BSND: variants seen among roughly 807,000 people sequenced by gnomAD.
The protein encoded by BSND is barttin.
Under a neutral mutation model 18.8 loss-of-function variants are expected in BSND, and 13 were observed. The observed-to-expected ratio is 0.69, with a 90% CI of 0.45 to 1.10. The LOEUF (loss-of-function observed/expected upper bound fraction) is 1.10. BSND is among the 50% of genes least tolerant of loss of function. BSND has a pLI of 0.00. For synonymous variants in BSND, 170 were observed against 161.8 expected, an observed-to-expected ratio of 1.05 and a Z score of -0.39; for missense variants, 379 against 416.7, an observed-to-expected ratio of 0.91 and a Z score of 0.79.
At position 55,008,393 on chromosome 1, in the gene BSND, T is replaced by C. The variant is rs1368447576; in HGVS notation, c.728T>C (p.Leu243Pro). 1.2e-6 allele frequency: 2 copies of C among 1,614,224 alleles called. No homozygotes were observed. Among genetic ancestry groups the C allele is most frequent in the East Asian group, 2.2e-5 (1 of 44,882 alleles). ...CPLDRFQDFA[L>P]IDAPTLEDEP... The stretch of plus-strand genomic sequence containing the variant: ...CTGGACCGCTTCCAAGACTTTGCCC[T>C]GATTGATGCCCCAACGTTGGAGGAT... Residue 243 changes from leucine (L) to proline (P), a missense_variant, in exon 4 of 4, where the codon CTG becomes CCG. By Grantham distance (98) the Leu-to-Pro change is moderately conservative (BLOSUM62 -3). Coordinates refer to ENST00000651561, the MANE Select transcript of BSND (RefSeq NM_057176.3).
In BSND at chr1:55,007,058, CCT is replaced by C. The variant is rs776405648; in HGVS notation, c.335_336del (p.Pro112ArgfsTer14). The part of the protein sequence containing the change: ...WEEAAYDQSL[P>X]DFSHIQMKVM... ...GGAAGCCGCCTATGACCAGAGCCTGCCTGACTTCAGCCACATCCAGATGAAAG... is the reference window on the plus strand; with the variant it reads ...GGAAGCCGCCTATGACCAGAGCCTGCGACTTCAGCCACATCCAGATGAAAG... On this transcript the variant is annotated frameshift_variant, in exon 3 of 4. Transcript: ENST00000651561. LOFTEE classifies it high-confidence loss of function. 1.2e-6 allele frequency: 2 copies of C among 1,614,194 alleles called. No homozygotes were observed. The highest frequency in any genetic ancestry group is 2.2e-5 in the South Asian group (2 of 91,086).
intron 1 of BSND, among the ~76,000 whole-genome samples, chr1:55,004,735 G>A (rs1007096571): frequency 6.6e-6 from 1 of 152,242 alleles, no homozygotes; most frequent in African/African-American, 2.4e-5. Context: ...CAAGGACAGG[G>A]TTCTCTTTCA....
At position 55,008,265 on chromosome 1, in the gene BSND, C is replaced by G; in HGVS notation, c.600C>G (p.Asp200Glu). ...GPAPLASFQDDLDMDSSEGSS... is the reference protein window; with the variant it reads ...GPAPLASFQDELDMDSSEGSS... ...CCCCCTTGGCTTCCTTCCAAGATGA[C>G]CTGGACATGGACTCCAGTGAAGGCA... The change falls in exon 4 of 4, where the codon GAC (aspartate) becomes GAG (glutamate). Residue 200 changes from aspartate (D) to glutamate (E), a missense_variant. By Grantham distance (45) the Asp-to-Glu change is conservative. Coordinates refer to ENST00000651561, the MANE Select transcript of BSND (RefSeq NM_057176.3). The G allele has an allele frequency of 6.2e-7, 1 of 1,614,200 alleles. No individual in the cohort carries two copies.
chr1:55,010,829 G>C lies in BSND; in HGVS notation c.*2201G>C, dbSNP rs528088448. On this transcript the variant is annotated 3_prime_UTR_variant, in exon 4 of 4. Coordinates refer to ENST00000651561, the MANE Select transcript of BSND (RefSeq NM_057176.3). Reference sequence around the variant, plus strand: ...TAAGGCAGGGCAGCCTACAACCCACGTTAGAAACAGCGTCAGCACTAAGGG... The same window carrying C: ...TAAGGCAGGGCAGCCTACAACCCACCTTAGAAACAGCGTCAGCACTAAGGG... 3.3e-4 allele frequency: 50 copies of C among 152,346 alleles called. No individual in the cohort carries two copies. Among genetic ancestry groups the C allele is most frequent in the African/African-American group, 1.2e-3 (48 of 41,574 alleles). The allele number at this position is 152,346 out of a possible 1,614,324, so 9.4% of individuals were successfully genotyped here. A position where few individuals can be genotyped will look rare whatever the true frequency, so the allele number is the denominator to read the frequency against.
chr1:55,015,605 A>G lies in BSND; in HGVS notation c.*6977A>G, dbSNP rs1487719298. On this transcript the variant is annotated 3_prime_UTR_variant, in exon 4 of 4. Transcript: ENST00000651561. ...AGCAAGCCTGGGGGTAAGGAGGGCT[A>G]GATTTTATCTAGTCATGTGTTCATT... Among the ~76,000 whole-genome samples, 1 of 152,208 alleles carries G rather than the reference A, an allele frequency of 6.6e-6. No homozygotes were observed. The highest frequency in any genetic ancestry group is 2.4e-5 in the African/African-American group (1 of 41,448).
intron 2 of BSND, among the ~76,000 whole-genome samples, chr1:55,005,884 G>A (rs530486370): frequency 3.4e-4 from 51 of 149,548 alleles, no homozygotes; most frequent in African/African-American, 9.9e-4. Context: ...TGGTGGAGGC[G>A]GGGCCTGCAC....
rs1285140472 is a variant in BSND at position 54,999,148 on chromosome 1, C to A, written c.-39C>A. The A allele has an allele frequency of 1.2e-6, 2 of 1,610,370 alleles. No homozygotes were observed. Among genetic ancestry groups the A allele is most frequent in the African/African-American group, 2.7e-5 (2 of 74,918 alleles). On this transcript the variant is annotated 5_prime_UTR_variant, in exon 1 of 4. Transcript: ENST00000651561. ...TTAGGCTGAACTACAGCCACCCCCT[C>A]TCCCGGGGGTGTGCAGGCCAGGGAC...
Position 55,006,936 on chromosome 1 carries a change from G to A in BSND, c.273-61G>A, listed in dbSNP as rs1172706646. ...CATACCCAAAGCAAACAGGGCCGGG[G>A]AGAACACTGGTGTTTGCTGAGTGAC... On this transcript the variant is annotated intron_variant, in intron 2 of 3. Transcript: ENST00000651561. The A allele has an allele frequency of 6.8e-6, 11 of 1,610,718 alleles. No homozygotes were observed. The African/African-American group carries it at 1.3e-4, about 20-fold the overall frequency.
rs914487445 is a variant in BSND at position 55,012,015 on chromosome 1, T to C, written c.*3387T>C. On this transcript the variant is annotated 3_prime_UTR_variant, in exon 4 of 4. Transcript: ENST00000651561. ...CCAGGGTGAAAATTCCTGCTCTTGG[T>C]CACTCTCCTGTCAGGTTGGAGGGAC... Among the ~76,000 whole-genome samples, 5 of 152,126 alleles carry C rather than the reference T, an allele frequency of 3.3e-5. No homozygotes were observed. The highest frequency in any genetic ancestry group is 1.2e-4 in the African/African-American group (5 of 41,424).
chr1:55,005,408 G>A (rs1644384311), intron 2 of BSND, among the ~76,000 whole-genome samples: 1 of 152,212 alleles, frequency 6.6e-6, no homozygotes, highest in African/African-American at 2.4e-5. Flanking sequence ...TAAATGTACT[G>A]TGAGAAATAC....
chr1:55,008,361 G>C lies in BSND; in HGVS notation c.696G>C (p.Arg232Ser). 1 of 1,614,238 alleles carries C rather than the reference G, an allele frequency of 6.2e-7. No individual in the cohort carries two copies. Residue 232 changes from arginine to serine, a missense_variant, in exon 4 of 4, where the codon AGG becomes AGC. Physicochemically the swap from Arg to Ser is moderately radical, Grantham distance 110. Coordinates refer to ENST00000651561, the MANE Select transcript of BSND (RefSeq NM_057176.3). ...CSPQQEPQGC[R>S]CPLDRFQDFA... is the part of the protein sequence containing the mutation. ...CACAACAGGAACCTCAGGGCTGCAG[G>C]TGCCCGCTGGACCGCTTCCAAGACT...
Position 55,009,608 on chromosome 1 carries a change from C to T in BSND, c.*980C>T, listed in dbSNP as rs1644411645. 6.6e-6 allele frequency: 1 copy of T among 152,234 alleles called. No homozygotes were observed. Among genetic ancestry groups the T allele is most frequent in the South Asian group, 2.1e-4 (1 of 4,830 alleles). The allele number at this position is 152,234 out of a possible 1,614,324, so 9.4% of individuals were successfully genotyped here. On this transcript the variant is annotated 3_prime_UTR_variant, in exon 4 of 4. Transcript: ENST00000651561. The stretch of plus-strand genomic sequence containing the variant: ...GCCCTCTTACTTCCCAGCATTCAAA[C>T]TTCTAAATGGCCTGTATGTATTCAC...
Position 55,011,466 on chromosome 1 carries a change from T to C in BSND, c.*2838T>C, listed in dbSNP as rs575373898. ...GCATATCTTGGAATCTTGGAAGTGA[T>C]GGGGGTGTTTGATGGGACCTATCTT... On this transcript the variant is annotated 3_prime_UTR_variant, in exon 4 of 4. Transcript: ENST00000651561. 8.5e-5 allele frequency: 13 copies of C among 152,282 alleles called. No individual in the cohort carries two copies. The South Asian group carries it at 2.5e-3, about 29-fold the overall frequency. The allele number at this position is 152,282 out of a possible 1,614,324, so 9.4% of individuals were successfully genotyped here. A position where few individuals can be genotyped will look rare whatever the true frequency, so the allele number is the denominator to read the frequency against.
chr1:54,998,980 C>T lies in BSND; in HGVS notation c.-207C>T, dbSNP rs888283206. Reference sequence around the variant, plus strand: ...GAGTAAAGGTGGCTGGGTGTGGGTCCGTTGAAGCGAGCCGCCTCCAGCCCT... The same window carrying T: ...GAGTAAAGGTGGCTGGGTGTGGGTCTGTTGAAGCGAGCCGCCTCCAGCCCT... On this transcript the variant is annotated 5_prime_UTR_variant, in exon 1 of 4. Coordinates refer to ENST00000651561, the MANE Select transcript of BSND (RefSeq NM_057176.3). 5.0e-5 allele frequency: 30 copies of T among 604,630 alleles called. No homozygotes were observed. Among genetic ancestry groups the T allele is most frequent in the South Asian group, 8.0e-5 (4 of 50,108 alleles). The allele number at this position is 604,630 out of a possible 1,614,324, so 37.5% of individuals were successfully genotyped here.
chr1:55,015,488 G>A lies in BSND; in HGVS notation c.*6860G>A, dbSNP rs1180104084. ...CCCAGGTCAGAAAATGGGCCCCACT[G>A]GTGATTCTGCAGATAGTCCCTGCAC... On this transcript the variant is annotated 3_prime_UTR_variant, in exon 4 of 4. Transcript: ENST00000651561. 6.6e-6 allele frequency among the ~76,000 whole-genome samples: 1 copy of A among 152,206 alleles called. No individual in the cohort carries two copies. The highest frequency in any genetic ancestry group is 1.5e-5 in the Non-Finnish European group (1 of 68,036).
rs2100208583 is a variant in BSND at position 55,007,022 on chromosome 1, A to C, written c.298A>C (p.Arg100=). 1 of 1,614,046 alleles carries C rather than the reference A, an allele frequency of 6.2e-7. No homozygotes were observed. Among genetic ancestry groups the C allele is most frequent in the South Asian group, 1.1e-5 (1 of 91,076 alleles). Residue 100 remains arginine (R), a synonymous_variant, in exon 3 of 4, where the codon AGG becomes CGG. Coordinates refer to ENST00000651561, the MANE Select transcript of BSND (RefSeq NM_057176.3). Reference sequence around the variant, plus strand: ...CCCCAGTCCCCAGCCGCCCTATGTAAGGCTGTGGGAGGAAGCCGCCTATGA... The same window carrying C: ...CCCCAGTCCCCAGCCGCCCTATGTACGGCTGTGGGAGGAAGCCGCCTATGA... ...KSPSPQPPYV[R]LWEEAAYDQS...
Position 55,011,684 on chromosome 1 carries a change from C to T in BSND, c.*3056C>T, listed in dbSNP as rs940993855. On this transcript the variant is annotated 3_prime_UTR_variant, in exon 4 of 4. Coordinates refer to ENST00000651561, the MANE Select transcript of BSND (RefSeq NM_057176.3). Reference sequence around the variant, plus strand: ...CTTGGCGAGGGTTTAAGAAGCAGGCCTTTGCTCTGAACCGGCTGCTGTCAG... The same window carrying T: ...CTTGGCGAGGGTTTAAGAAGCAGGCTTTTGCTCTGAACCGGCTGCTGTCAG... 6.6e-6 allele frequency: 1 copy of T among 152,254 alleles called. No homozygotes were observed. Among genetic ancestry groups the T allele is most frequent in the African/African-American group, 2.4e-5 (1 of 41,462 alleles). 9.4% of individuals were successfully genotyped at this position (152,254 alleles called of 1,614,324 possible).
At position 55,014,052 on chromosome 1, in the gene BSND, C is replaced by A. The variant is rs1175811550; in HGVS notation, c.*5424C>A. Among the ~76,000 whole-genome samples the A allele has an allele frequency of 3.3e-5, 5 of 152,210 alleles. No individual in the cohort carries two copies. The highest frequency in any genetic ancestry group is 7.3e-5 in the Non-Finnish European group (5 of 68,034). ...CCTAAACTGTGTGCCCCGCTCTGTC[C>A]CCAGCACTTCTGAATGACTAGCTGT... On this transcript the variant is annotated 3_prime_UTR_variant, in exon 4 of 4. Coordinates refer to ENST00000651561, the MANE Select transcript of BSND (RefSeq NM_057176.3).
intron 1 of BSND, among the ~76,000 whole-genome samples, chr1:55,003,895 T>C (rs1406192236): frequency 6.6e-6 from 1 of 152,238 alleles, no homozygotes; most frequent in Non-Finnish European, 1.5e-5. Flanking sequence ...CTTAAACATA[T>C]TTAAGTGTAC....
Sources: allele counts gnomAD v4.1 joint callset (sites outside exome capture counted in the v4.1 genomes callset), GRCh38; gene constraint gnomAD v4.1.1; transcripts MANE v1.5; gene names NCBI Gene and HGNC (gene_info 2026-07-23, HGNC 2026-07-21).